GRM8: variants seen among roughly 807,000 people sequenced by gnomAD.
The protein encoded by GRM8 is metabotropic glutamate receptor 8.
A neutral mutation model predicts 87.2 loss-of-function variants in GRM8; 47 were observed. The observed-to-expected ratio is 0.54, with a 90% CI of 0.43 to 0.69. GRM8 has a LOEUF of 0.69. GRM8 is among the 30% of genes least tolerant of loss of function. GRM8 has a pLI of 0.00. For synonymous variants in GRM8, 396 were observed against 404.5 expected, an observed-to-expected ratio of 0.98 and a Z score of 0.25; for missense variants, 1,019 against 1,139.2, an observed-to-expected ratio of 0.89 and a Z score of 1.52.
At chr7:126,734,164 AAT>A (rs1813926652) in intron 7 of GRM8, among the ~76,000 whole-genome samples, 1 of 152,146 alleles carries the variant, frequency 6.6e-6, no homozygotes, top group African/African-American at 2.4e-5. Context: ...ACTGAGAGAT[AAT>A]ATGAGTTGAA....
chr7:126,519,758 C>T (rs1295527039), intron 9 of GRM8, among the ~76,000 whole-genome samples: 1 of 152,038 alleles, frequency 6.6e-6, no homozygotes, highest in Admixed American at 6.6e-5. Flanking sequence ...AAGTCACTTT[C>T]GAGTACAGTG....
intron 3 of GRM8, among the ~76,000 whole-genome samples, chr7:127,090,458 A>G (rs1563496989): frequency 6.6e-6 from 1 of 152,188 alleles, no homozygotes; most frequent in Non-Finnish European, 1.5e-5. Context: ...AACCAATTGA[A>G]AGAGGAATAA....
At chr7:127,111,808 C>G (rs550879787) in intron 2 of GRM8, among the ~76,000 whole-genome samples, 49 of 152,254 alleles carry the variant, frequency 3.2e-4, no homozygotes, top group Middle Eastern at 3.4e-3. Context: ...GGGCAGATCA[C>G]CTGAGGTCAG....
chr7:126,475,049 C>A (rs552498117), intron 9 of GRM8, among the ~76,000 whole-genome samples: 1 of 152,088 alleles, frequency 6.6e-6, no homozygotes, highest in Admixed American at 6.5e-5. Context: ...AAGCTGATAG[C>A]TTTTCCTCTA....
intron 3 of GRM8, among the ~76,000 whole-genome samples, chr7:127,072,632 TAC>T (rs748269585): frequency 1.6e-4 from 21 of 131,520 alleles, no homozygotes; most frequent in South Asian, 5.0e-4. Context: ...CCTCATATTA[TAC>T]TTTTTTTTTT....
At chr7:126,799,979 T>C (rs1451252986) in intron 6 of GRM8, among the ~76,000 whole-genome samples, 1 of 152,108 alleles carries the variant, frequency 6.6e-6, no homozygotes, top group Non-Finnish European at 1.5e-5. Context: ...AAGGAGCTGA[T>C]GAGTTCCAAT....
At chr7:126,832,152 G>T (rs1175474141) in intron 6 of GRM8, among the ~76,000 whole-genome samples, 1 of 145,580 alleles carries the variant, frequency 6.9e-6, no homozygotes, top group African/African-American at 2.6e-5. Context: ...GAGTTAGTAC[G>T]CAACATAGTG....
Position 126,777,052 on chromosome 7 carries a change from A to AGGCCC in GRM8, c.1157-6988_1157-6987insGGGCC, listed in dbSNP as rs1819555321. The stretch of plus-strand genomic sequence containing the variant: ...TGCACTAACAAAAATACCAAATGTC[A>AGGCCC]ACCTGGATTAATTTTTTCCCGCATT... On this transcript the variant is annotated intron_variant, in intron 6 of 10. Coordinates refer to ENST00000339582, the MANE Select transcript of GRM8 (RefSeq NM_000845.3). 1.3e-5 allele frequency among the ~76,000 whole-genome samples: 2 copies of AGGCCC among 152,258 alleles called. 1 individual carries two copies. Among genetic ancestry groups the AGGCCC allele is most frequent in the East Asian group, 3.9e-4 (2 of 5,182 alleles).
intron 3 of GRM8, among the ~76,000 whole-genome samples, chr7:126,913,852 AAG>A (rs1417747083): frequency 6.6e-6 from 1 of 152,266 alleles, no homozygotes; most frequent in African/African-American, 2.4e-5. Context: ...TACTTTGCAA[AAG>A]AGAAGATTTA....
intron 3 of GRM8, among the ~76,000 whole-genome samples, chr7:127,070,184 T>C (rs1821534124): frequency 6.6e-6 from 1 of 152,202 alleles, no homozygotes; most frequent in South Asian, 2.1e-4. Flanking sequence ...ATATTTGTAC[T>C]TGAAATATTC....
chr7:126,820,459 G>A (rs143971046), intron 6 of GRM8, among the ~76,000 whole-genome samples: 2,182 of 152,266 alleles, frequency 0.014, 28 homozygotes, highest in Non-Finnish European at 0.019. Flanking sequence ...TTAGATTTGA[G>A]TCTATCCATT....
chr7:127,041,601 T>C (rs1818435340), intron 3 of GRM8, among the ~76,000 whole-genome samples: 1 of 152,376 alleles, frequency 6.6e-6, no homozygotes, highest in Non-Finnish European at 1.5e-5. Flanking sequence ...ACAGAGATTA[T>C]GTTCTATGAA....
At chr7:127,108,966 A>G (rs1399019195) in intron 2 of GRM8, among the ~76,000 whole-genome samples, 1 of 152,220 alleles carries the variant, frequency 6.6e-6, no homozygotes, top group Non-Finnish European at 1.5e-5. Flanking sequence ...TCAAGTTTTC[A>G]TGAAGTCACA....
chr7:127,250,189 T>C (rs1047722941), intron 1 of GRM8, among the ~76,000 whole-genome samples: 1 of 152,178 alleles, frequency 6.6e-6, no homozygotes, highest in African/African-American at 2.4e-5. Flanking sequence ...AAATACCAAT[T>C]AAACAAGCCC....
chr7:127,110,424 A>T (rs1240834455), intron 2 of GRM8, among the ~76,000 whole-genome samples: 2 of 151,584 alleles, frequency 1.3e-5, no homozygotes, highest in African/African-American at 4.9e-5. Context: ...TTTCTTCTTC[A>T]TTTCCCTAAG....
At chr7:126,652,068 A>C (rs1803956267) in intron 7 of GRM8, among the ~76,000 whole-genome samples, 1 of 152,248 alleles carries the variant, frequency 6.6e-6, no homozygotes, top group Non-Finnish European at 1.5e-5. Flanking sequence ...AATTGTCATG[A>C]GTATTTCCTC....
rs527767409 is a variant in GRM8, at chr7:126,676,623, G to GA, written c.1358-67126dup. Among the ~76,000 whole-genome samples, 154 of 152,264 alleles carry GA rather than the reference G, an allele frequency of 1.0e-3. No homozygotes were observed. The Middle Eastern group carries it at 0.01, about 10-fold the overall frequency. On this transcript the variant is annotated intron_variant, in intron 7 of 10. Transcript: ENST00000339582. ...AAAGCGGACAAAAACATACACTAGG[G>GA]AAAGGACACTCTATTCAATAAATGG...
intron 9 of GRM8, among the ~76,000 whole-genome samples, chr7:126,485,032 G>A (rs530117964): frequency 1.3e-4 from 19 of 151,918 alleles, no homozygotes; most frequent in African/African-American, 4.1e-4. Flanking sequence ...TTTTCGAGTT[G>A]GTTATCAGAC....
intron 6 of GRM8, among the ~76,000 whole-genome samples, chr7:126,831,615 T>C (rs1395997628): frequency 6.6e-6 from 1 of 152,146 alleles, no homozygotes; most frequent in East Asian, 1.9e-4. Flanking sequence ...CCCCTTTCCT[T>C]GACCAGGAAA....
Sources: gnomAD v4.1 joint callset for allele counts (sites outside exome capture counted in the v4.1 genomes callset) on GRCh38, gnomAD v4.1.1 for gene constraint, MANE v1.5 for transcripts, NCBI Gene and HGNC (gene_info 2026-07-23, HGNC 2026-07-21) for gene names.